The following SGCD variants were observed in gnomAD, a reference collection of about 807,000 sequenced individuals.
SGCD encodes delta-sarcoglycan.
Under a neutral mutation model 36.6 loss-of-function variants are expected in SGCD, and 18 were observed. The observed-to-expected ratio is 0.49, with a 90% CI of 0.34 to 0.73. SGCD has a LOEUF of 0.73. Among genes scored for constraint, SGCD ranks in the 30% least tolerant of loss-of-function variants. SGCD has a pLI of 0.01. For missense variants in SGCD, 387 were observed against 346.7 expected, an observed-to-expected ratio of 1.12 and a Z score of -0.92; for synonymous variants, 133 against 130.6, an observed-to-expected ratio of 1.02 and a Z score of -0.12.
At chr5:155,842,576 GAA>G in the SGCD span, among the ~76,000 whole-genome samples, 1 of 143,856 alleles carries the variant, frequency 7.0e-6, no homozygotes, top group Non-Finnish European at 1.5e-5. Context: ...CATCTCAACG[GAA>G]AAAAAAAAAG....
intron 3 of SGCD, among the ~76,000 whole-genome samples, chr5:156,186,183 G>A (rs1389589400): frequency 6.6e-6 from 1 of 151,938 alleles, no homozygotes; most frequent in Non-Finnish European, 1.5e-5. Flanking sequence ...GAACTAAGGA[G>A]TGGATTATAA....
At chr5:155,791,272 G>T in the SGCD span, among the ~76,000 whole-genome samples, 1 of 152,040 alleles carries the variant, frequency 6.6e-6, no homozygotes, top group Non-Finnish European at 1.5e-5. Context: ...AACAGAGTCA[G>T]AATGGGAAGG....
intron 3 of SGCD, among the ~76,000 whole-genome samples, chr5:156,441,347 T>C (rs142931370): frequency 4.7e-4 from 72 of 152,114 alleles, no homozygotes; most frequent in Non-Finnish European, 8.7e-4. Flanking sequence ...ATATGTCTCA[T>C]AATTTTTGTA....
At chr5:156,169,934 T>A (rs1265129979) in intron 3 of SGCD, among the ~76,000 whole-genome samples, 2 of 152,120 alleles carry the variant, frequency 1.3e-5, no homozygotes, top group Non-Finnish European at 2.9e-5. Flanking sequence ...TATTCTAAGC[T>A]CAGTGGAGAG....
chr5:155,872,201 T>A (rs887885309), intron 1 of SGCD, among the ~76,000 whole-genome samples: 7 of 152,194 alleles, frequency 4.6e-5, no homozygotes, highest in Admixed American at 2.6e-4. Context: ...GAGTAATGCC[T>A]GCGACAGCTT....
At chr5:156,080,391 G>A (rs1193508566) in intron 1 of SGCD, among the ~76,000 whole-genome samples, 2 of 152,262 alleles carry the variant, frequency 1.3e-5, no homozygotes, top group African/African-American at 4.8e-5. Flanking sequence ...ACAAATTTCT[G>A]TGGCAAGTAA....
chr5:156,266,679 T>C (rs1387443024), intron 3 of SGCD, among the ~76,000 whole-genome samples: 1 of 152,032 alleles, frequency 6.6e-6, no homozygotes, highest in Non-Finnish European at 1.5e-5. Context: ...GAAGGGGCTA[T>C]GTTTCCCAGG....
chr5:156,547,102 A>G (rs1758605851), intron 4 of SGCD, among the ~76,000 whole-genome samples: 1 of 152,166 alleles, frequency 6.6e-6, no homozygotes, highest in Non-Finnish European at 1.5e-5. Context: ...ATGCCCATTT[A>G]CCCACTACAG....
intron 1 of SGCD, among the ~76,000 whole-genome samples, chr5:156,041,892 G>C (rs1053998288): frequency 1.3e-5 from 2 of 152,178 alleles, no homozygotes; most frequent in Non-Finnish European, 1.5e-5. Context: ...ACTAAGCCTT[G>C]AAGTATGATG....
At chr5:156,362,700 G>T (rs913316775) in intron 3 of SGCD, among the ~76,000 whole-genome samples, 1 of 152,088 alleles carries the variant, frequency 6.6e-6, no homozygotes, top group Non-Finnish European at 1.5e-5. Flanking sequence ...TGTGAACCTC[G>T]TGGCTAGTCT....
intron 3 of SGCD, among the ~76,000 whole-genome samples, chr5:156,294,034 T>C (rs1208073413): frequency 2.0e-5 from 3 of 152,166 alleles, no homozygotes; most frequent in Non-Finnish European, 4.4e-5. Flanking sequence ...GTTTTCATTG[T>C]AGAAATATTT....
chr5:156,465,671 A>G (rs1208716008), intron 3 of SGCD, among the ~76,000 whole-genome samples: 1 of 152,150 alleles, frequency 6.6e-6, no homozygotes, highest in Non-Finnish European at 1.5e-5. Flanking sequence ...TTTCTGACCC[A>G]CATCAAAAGT....
intron 6 of SGCD, among the ~76,000 whole-genome samples, chr5:156,635,821 T>A (rs961792217): frequency 3.8e-5 from 5 of 130,820 alleles, no homozygotes; most frequent in Admixed American, 1.0e-4. Flanking sequence ...CACTCATAGA[T>A]GGGAATTGAA....
chr5:156,291,849 C>T (rs1408350174), intron 3 of SGCD, among the ~76,000 whole-genome samples: 4 of 151,984 alleles, frequency 2.6e-5, no homozygotes, highest in East Asian at 3.8e-4. Flanking sequence ...ACCTTATATG[C>T]TTATCATTTA....
chr5:156,476,445 A>AT (rs1329292931), intron 3 of SGCD, among the ~76,000 whole-genome samples: 1 of 152,270 alleles, frequency 6.6e-6, no homozygotes, highest in East Asian at 1.9e-4. Context: ...CATAATCTTT[A>AT]TTTTTTACCT....
intron 6 of SGCD, among the ~76,000 whole-genome samples, chr5:156,645,873 A>G (rs1763205177): frequency 6.6e-6 from 1 of 152,202 alleles, no homozygotes; most frequent in Non-Finnish European, 1.5e-5. Context: ...GAAGATCTGG[A>G]TAAGAAGGAT....
intron 3 of SGCD, among the ~76,000 whole-genome samples, chr5:156,142,772 G>A (rs1762609972): frequency 6.6e-6 from 1 of 152,190 alleles, no homozygotes; most frequent in South Asian, 2.1e-4. Context: ...GCTTCTAACA[G>A]CCTAAGTCCT....
At chr5:156,044,311 T>A (rs924078410) in intron 1 of SGCD, among the ~76,000 whole-genome samples, 14 of 152,172 alleles carry the variant, frequency 9.2e-5, no homozygotes, top group African/African-American at 3.4e-4. Context: ...TGTATTTCTG[T>A]TTTGGCCCTA....
At chr5:156,721,558 C>T (rs1450868142) in intron 7 of SGCD, among the ~76,000 whole-genome samples, 1 of 152,036 alleles carries the variant, frequency 6.6e-6, no homozygotes, top group Non-Finnish European at 1.5e-5. Context: ...GTTTTGATAT[C>T]AAAGGGAGAG....
Sources: allele counts gnomAD v4.1 joint callset (sites outside exome capture counted in the v4.1 genomes callset), GRCh38; gene constraint gnomAD v4.1.1; transcripts MANE v1.5; gene names NCBI Gene and HGNC (gene_info 2026-07-23, HGNC 2026-07-21).